CHRM3: variants seen among roughly 807,000 people sequenced by gnomAD.
CHRM3 encodes the protein cholinergic receptor muscarinic 3.
CHRM3 carries 11 observed loss-of-function variants against 41.8 expected under a neutral mutation model. The observed-to-expected ratio is 0.26, with a 90% confidence interval of 0.17 to 0.44. The LOEUF is 0.44. CHRM3 is among the 20% of genes least tolerant of loss of function. The pLI is 1.00. For missense variants in CHRM3, 571 were observed against 745.4 expected (o/e 0.77, Z 2.72); for synonymous variants, 297 against 301.4 (o/e 0.99, Z 0.15).
chr1:239,648,979 C>G (rs1406913210), intron 4 of CHRM3, among the ~76,000 whole-genome samples: 1 of 152,140 alleles, frequency 6.6e-6, no homozygotes, highest in Non-Finnish European at 1.5e-5. Context: ...TATACATACA[C>G]ACCCATCTAT....
At chr1:239,674,233 T>C (rs1657734348) in intron 4 of CHRM3, among the ~76,000 whole-genome samples, 2 of 152,174 alleles carry the variant, frequency 1.3e-5, no homozygotes, top group Non-Finnish European at 2.9e-5. Context: ...ATGAATATAT[T>C]TAAGGACTCT....
chr1:239,488,714 CAAAAAAAAAAAAAAAAAAA>C (rs763682628), intron 1 of CHRM3, among the ~76,000 whole-genome samples: 56 of 46,220 alleles, frequency 1.2e-3, no homozygotes, highest in Middle Eastern at 0.029. Context: ...GACTCCTTCT[CAAAAAAAAAAAAAAAAAAA>C]AAAAAAAAAA....
chr1:239,874,667 G>T (rs1238373235), intron 6 of CHRM3, among the ~76,000 whole-genome samples: 4 of 151,350 alleles, frequency 2.6e-5, no homozygotes, highest in African/African-American at 9.7e-5. Context: ...TACCAGGTTG[G>T]TGCAAAAGTA....
At chr1:239,568,691 T>G (rs1661577024) in intron 3 of CHRM3, among the ~76,000 whole-genome samples, 1 of 152,088 alleles carries the variant, frequency 6.6e-6, no homozygotes, top group Non-Finnish European at 1.5e-5. Context: ...TTCCTCAGCC[T>G]CCTCTGCTCT....
chr1:239,813,062 AAGATCAGG>A (rs1467004013), intron 5 of CHRM3, among the ~76,000 whole-genome samples: 1 of 152,080 alleles, frequency 6.6e-6, no homozygotes, highest in Non-Finnish European at 1.5e-5. Context: ...GGCAGATCAC[AAGATCAGG>A]AGTTTGAGAC....
At chr1:239,844,204 G>A (rs1218554516) in intron 6 of CHRM3, among the ~76,000 whole-genome samples, 1 of 151,996 alleles carries the variant, frequency 6.6e-6, no homozygotes, top group African/African-American at 2.4e-5. Flanking sequence ...TGTATCCTTT[G>A]ATCAACATCT....
chr1:239,884,056 C>T (rs1677865063), intron 6 of CHRM3, among the ~76,000 whole-genome samples: 1 of 152,304 alleles, frequency 6.6e-6, no homozygotes, highest in East Asian at 1.9e-4. Context: ...AAGAGAATAG[C>T]CAAACTTGCA....
chr1:239,591,907 G>A (rs1446810626), intron 3 of CHRM3, among the ~76,000 whole-genome samples: 1 of 152,152 alleles, frequency 6.6e-6, no homozygotes, highest in Non-Finnish European at 1.5e-5. Context: ...TAAGTAACAT[G>A]GGAGACATTT....
At chr1:239,411,250 G>A (rs1215660784) in intron 1 of CHRM3, among the ~76,000 whole-genome samples, 1 of 152,178 alleles carries the variant, frequency 6.6e-6, no homozygotes, top group Non-Finnish European at 1.5e-5. Flanking sequence ...CCTGCAACAT[G>A]TCAGGATTTT....
chr1:239,509,530 A>G (rs79972435), intron 2 of CHRM3, among the ~76,000 whole-genome samples: 1,936 of 152,296 alleles, frequency 0.013, 34 homozygotes, highest in South Asian at 0.038. Context: ...CCAGCCAAGA[A>G]GCTCACAAAC....
At chr1:239,834,422 C>T (rs1356750642) in intron 6 of CHRM3, among the ~76,000 whole-genome samples, 1 of 150,378 alleles carries the variant, frequency 6.6e-6, no homozygotes, top group Non-Finnish European at 1.5e-5. Context: ...AAACGATTCT[C>T]CTGCCTCAGC....
In CHRM3 at chr1:239,882,879, A is replaced by G. The variant is rs142039035; in HGVS notation, c.-19-24554A>G. Among the ~76,000 whole-genome samples, 8 of 152,330 alleles carry G rather than the reference A, an allele frequency of 5.3e-5. No homozygotes were observed. In the East Asian group the frequency reaches 9.7e-4, roughly 18 times the overall value. ...CACGCAGTGGGTGTTCAATAAACCTATGAAGAAGTGAAATTGACATTGAGG... is the reference window on the plus strand; with the variant it reads ...CACGCAGTGGGTGTTCAATAAACCTGTGAAGAAGTGAAATTGACATTGAGG... On this transcript the variant is annotated intron_variant, in intron 6 of 6. Transcript: ENST00000676153.
At chr1:239,493,330 C>G (rs1036434271) in intron 2 of CHRM3, among the ~76,000 whole-genome samples, 1 of 152,156 alleles carries the variant, frequency 6.6e-6, no homozygotes, top group Non-Finnish European at 1.5e-5. Context: ...ATTAGAAGAA[C>G]TGTGTGTTTT....
intron 4 of CHRM3, among the ~76,000 whole-genome samples, chr1:239,673,961 G>T (rs1449371795): frequency 6.6e-6 from 1 of 151,990 alleles, no homozygotes; most frequent in Non-Finnish European, 1.5e-5. Context: ...AAAACTTTTT[G>T]AGCACCAACA....
intron 1 of CHRM3, among the ~76,000 whole-genome samples, chr1:239,438,693 G>A (rs940631573): frequency 2.6e-5 from 4 of 152,142 alleles, no homozygotes; most frequent in African/African-American, 4.8e-5. Flanking sequence ...TCTGTTACAG[G>A]AGCTAATGCT....
At chr1:239,429,444 C>G (rs761253279) in intron 1 of CHRM3, among the ~76,000 whole-genome samples, 1 of 151,942 alleles carries the variant, frequency 6.6e-6, no homozygotes, top group Non-Finnish European at 1.5e-5. Context: ...TCAATCTAAT[C>G]GTGATTTACT....
intron 3 of CHRM3, among the ~76,000 whole-genome samples, chr1:239,577,485 G>C (rs1451444907): frequency 7.2e-5 from 11 of 152,190 alleles, no homozygotes; most frequent in Admixed American, 7.2e-4. Flanking sequence ...GGTCGGGATT[G>C]ATACACAGTC....
At chr1:239,823,113 C>T (rs145849197) in intron 5 of CHRM3, among the ~76,000 whole-genome samples, 252 of 152,298 alleles carry the variant, frequency 1.7e-3, no homozygotes, top group African/African-American at 4.9e-3. Flanking sequence ...GATTTATCCT[C>T]GCACATAACC....
At chr1:239,851,732 A>G (rs1674710494) in intron 6 of CHRM3, among the ~76,000 whole-genome samples, 1 of 152,182 alleles carries the variant, frequency 6.6e-6, no homozygotes, top group Non-Finnish European at 1.5e-5. Context: ...GTTTATAGAA[A>G]GTGTTGCAGC....
Sources: gnomAD v4.1 joint callset for allele counts (sites outside exome capture counted in the v4.1 genomes callset) on GRCh38, gnomAD v4.1.1 for gene constraint, MANE v1.5 for transcripts, NCBI Gene and HGNC (gene_info 2026-07-23, HGNC 2026-07-21) for gene names.